The following EFTUD2 variants were observed in gnomAD, a reference collection of about 807,000 sequenced individuals.
EFTUD2 encodes the protein 116 kDa U5 small nuclear ribonucleoprotein component.
A neutral mutation model predicts 114.3 loss-of-function variants in EFTUD2; 9 were observed. The observed-to-expected ratio is 0.08, with a 90% CI of 0.05 to 0.14. The LOEUF is 0.14. EFTUD2 is among the 10% of genes least tolerant of loss of function. The pLI is 1.00. For missense variants in EFTUD2, 765 were observed against 1,241.2 expected, an observed-to-expected ratio of 0.62 and a Z score of 5.76; for synonymous variants, 449 against 462.3, an observed-to-expected ratio of 0.97 and a Z score of 0.37.
rs763613753 is a variant in EFTUD2, at chr17:44,850,342, C to T, written c.*932G>A. The T allele has an allele frequency of 6.2e-7, 1 of 1,612,858 alleles. No individual in the cohort carries two copies. The highest frequency in any genetic ancestry group is 1.7e-5 in the Admixed American group (1 of 59,962). On this transcript the variant is annotated 3_prime_UTR_variant, in exon 28 of 28. Transcript: ENST00000426333. ...TTTTCTCTCACACAGGTGCTGTGTA[C>T]ACAATGTACAGCGATTACGTCAAGA...
intron 9 of EFTUD2, among the ~76,000 whole-genome samples, chr17:44,876,855 C>CAAAAA (rs58892812): frequency 0.16 from 7,520 of 48,178 alleles, 1,531 homozygotes; most frequent in East Asian, 0.3. Flanking sequence ...GACTCCGTCT[C>CAAAAA]AAAAAAAAAA....
chr17:44,862,815 T>C lies in EFTUD2; in HGVS notation c.1505A>G (p.His502Arg). 6 of 1,614,174 alleles carry C rather than the reference T, an allele frequency of 3.7e-6. No homozygotes were observed. The highest frequency in any genetic ancestry group is 5.1e-6 in the Non-Finnish European group (6 of 1,180,024). ...CAGTACCTTCACAGGCTGCCCAGCATGAATGGTGCCACTCAGCACCCGGCC... is the reference window on the plus strand; with the variant it reads ...CAGTACCTTCACAGGCTGCCCAGCACGAATGGTGCCACTCAGCACCCGGCC... ...AFGRVLSGTI[H>R]AGQPVKVLGE... Residue 502 changes from histidine (H) to arginine (R), a missense_variant, in exon 16 of 28, where the codon CAT becomes CGT. Transcript: ENST00000426333.
chr17:44,880,222 GAGTACTCA>G (rs1359018775), intron 8 of EFTUD2, among the ~76,000 whole-genome samples: 1 of 152,226 alleles, frequency 6.6e-6, no homozygotes, highest in Non-Finnish European at 1.5e-5. Flanking sequence ...AAAAGACTGA[GAGTACTCA>G]AGGCCAGGGA....
At chr17:44,879,669 T>C in intron 8 of EFTUD2, 31 bp from the exon 9 acceptor site, 2 of 1,608,808 alleles carry the variant, frequency 1.2e-6, no homozygotes, top group Non-Finnish European at 1.7e-6. Flanking sequence ...AAGTCATCAC[T>C]TGGTGCAGGA....
intron 1 of EFTUD2, among the ~76,000 whole-genome samples, chr17:44,894,931 C>T (rs1207853129): frequency 2.0e-5 from 3 of 152,194 alleles, no homozygotes; most frequent in Admixed American, 2.0e-4. Context: ...CAAAAAATGG[C>T]AAGAACAGTA....
intron 10 of EFTUD2, among the ~76,000 whole-genome samples, chr17:44,873,784 T>G (rs527910785): frequency 6.7e-6 from 1 of 149,626 alleles, no homozygotes; most frequent in Non-Finnish European, 1.5e-5. Context: ...CAGGCTGGAG[T>G]GCCGTGGTGC....
rs760199934 is a variant in EFTUD2, at chr17:44,857,157, C to A, written c.1963G>T (p.Val655Leu). The change falls in exon 20 of 28, where the codon GTG (valine) becomes TTG (leucine). Residue 655 changes from valine (V) to leucine (L), a missense_variant and splice_region_variant. Physicochemically the swap from Val to Leu is conservative, Grantham distance 32 (BLOSUM62 1). Coordinates refer to ENST00000426333, the MANE Select transcript of EFTUD2 (RefSeq NM_004247.4). Reference protein sequence around the residue: ...RKMYSEIDIKVADPVVTFCET... With the variant: ...RKMYSEIDIKLADPVVTFCET... The stretch of plus-strand genomic sequence containing the variant: ...CAAAACGTGACAACTGGGTCAGCCA[C>A]CTGGGAAACAGAAAATAAATTACTG... The A allele has an allele frequency of 6.2e-7, 1 of 1,613,714 alleles. No homozygotes were observed. Among genetic ancestry groups the A allele is most frequent in the South Asian group, 1.1e-5 (1 of 91,076 alleles).
At chr17:44,869,377 C>T (rs1792189211) in intron 11 of EFTUD2, among the ~76,000 whole-genome samples, 2 of 152,312 alleles carry the variant, frequency 1.3e-5, no homozygotes, top group East Asian at 3.9e-4. Flanking sequence ...TGGCTCCCTG[C>T]AGCCTCGACC....
intron 16 of EFTUD2, among the ~76,000 whole-genome samples, chr17:44,861,858 G>A (rs561266587): frequency 5.9e-5 from 9 of 152,254 alleles, no homozygotes; most frequent in Admixed American, 3.9e-4. Flanking sequence ...TAGGGAACAC[G>A]AATGCTTTGG....
At chr17:44,882,919 C>T (rs568412603) in intron 6 of EFTUD2, among the ~76,000 whole-genome samples, 174 bp downstream of exon 6, 1 of 152,120 alleles carries the variant, frequency 6.6e-6, no homozygotes, top group African/African-American at 2.4e-5. Context: ...TCTATGCTCC[C>T]GAGAAAGTTG....
At chr17:44,887,277 A>G (rs985246989) in intron 2 of EFTUD2, among the ~76,000 whole-genome samples, 5 of 152,226 alleles carry the variant, frequency 3.3e-5, no homozygotes, top group African/African-American at 1.2e-4. Flanking sequence ...CAAAATGTTC[A>G]ACACAGAGTT....
intron 12 of EFTUD2, 54 bp downstream of exon 12, chr17:44,868,233 C>T: frequency 1.3e-6 from 2 of 1,498,134 alleles, no homozygotes; most frequent in Non-Finnish European, 1.8e-6. Flanking sequence ...ACTGTCCTCA[C>T]TTACTGGGTA....
At position 44,850,472 on chromosome 17, in the gene EFTUD2, G is replaced by A. The variant is rs1597785135; in HGVS notation, c.*802C>T. On this transcript the variant is annotated 3_prime_UTR_variant, in exon 28 of 28. Coordinates refer to ENST00000426333, the MANE Select transcript of EFTUD2 (RefSeq NM_004247.4). ...ACATTCCTAATAAAGCAGTTTTGAGGAAAATCAACAGACTCTTTTTCACTG... is the reference window on the plus strand; with the variant it reads ...ACATTCCTAATAAAGCAGTTTTGAGAAAAATCAACAGACTCTTTTTCACTG... 9.1e-7 allele frequency: 1 copy of A among 1,103,456 alleles called. No individual in the cohort carries two copies. Among genetic ancestry groups the A allele is most frequent in the East Asian group, 2.4e-5 (1 of 41,910 alleles). The allele number at this position is 1,103,456 out of a possible 1,614,324, so 68.4% of individuals were successfully genotyped here. A position where few individuals can be genotyped will look rare whatever the true frequency, so the allele number is the denominator to read the frequency against.
intron 18 of EFTUD2, 50 bp from the exon 19 acceptor site, chr17:44,859,231 G>T: frequency 1.5e-6 from 2 of 1,350,520 alleles, no homozygotes; most frequent in Non-Finnish European, 2.1e-6. Context: ...GCCAGCAAAG[G>T]CACACACAAA....
chr17:44,871,387 T>A (rs2050851996), intron 11 of EFTUD2, among the ~76,000 whole-genome samples: 1 of 150,904 alleles, frequency 6.6e-6, no homozygotes, highest in Non-Finnish European at 1.5e-5. Context: ...TCGCCCAGGC[T>A]GGAGTGCAGT....
intron 19 of EFTUD2, among the ~76,000 whole-genome samples, chr17:44,858,834 C>T (rs192358064): frequency 1.3e-3 from 205 of 152,220 alleles, no homozygotes; most frequent in African/African-American, 4.8e-3. Context: ...GCAATCCTCC[C>T]ACCTCGGCCT....
At chr17:44,879,111 T>C (rs879560437) in intron 9 of EFTUD2, among the ~76,000 whole-genome samples, 1 of 152,096 alleles carries the variant, frequency 6.6e-6, no homozygotes, top group Non-Finnish European at 1.5e-5. Context: ...TTTGAGAGAA[T>C]GTCTCACTCT....
In EFTUD2 at chr17:44,867,821, T is replaced by C; in HGVS notation, c.1135A>G (p.Lys379Glu). The C allele has an allele frequency of 6.2e-7, 1 of 1,600,722 alleles. No homozygotes were observed. The highest frequency in any genetic ancestry group is 8.5e-7 in the Non-Finnish European group (1 of 1,173,226). Residue 379 changes from lysine to glutamate, a missense_variant, in exon 13 of 28, where the codon AAG becomes GAG. Around this residue, in one of 6 missense-constraint regions of EFTUD2, gnomAD observed 251 missense variants for 357.7 expected, o/e 0.70. Transcript: ENST00000426333. ...GACACACTCACCTGGGCGAGGATCT[T>C]ATAAAGAGGCTCCAAGATAAACTCC... ...FVEFILEPLY[K>E]ILAQVVGDVD...
At position 44,854,789 on chromosome 17, in the gene EFTUD2, G is replaced by A; in HGVS notation, c.2133-107C>T. ...AGACAGTCACTTCATCCTACCCACT[G>A]TGCCCAGAACAAGAGCAAAGGCAAA... is the stretch of plus-strand genomic sequence containing the variant. On this transcript the variant is annotated intron_variant, in intron 21 of 27. Transcript: ENST00000426333. This position sits in a 1 kb window ranked among gnomAD's most constrained non-coding sequence, Gnocchi z 4.3. 1.9e-6 allele frequency: 3 copies of A among 1,575,278 alleles called. No homozygotes were observed. Among genetic ancestry groups the A allele is most frequent in the Non-Finnish European group, 2.6e-6 (3 of 1,151,916 alleles).
Sources: allele counts gnomAD v4.1 joint callset (sites outside exome capture counted in the v4.1 genomes callset), GRCh38; gene constraint gnomAD v4.1.1; regional missense constraint gnomAD v4.1.1; non-coding constraint Gnocchi (gnomAD v3.1); transcripts MANE v1.5; gene names NCBI Gene and HGNC (gene_info 2026-07-23, HGNC 2026-07-21).